The following ATP8A1 variants were observed in gnomAD, a reference collection of about 807,000 sequenced individuals.
ATP8A1 encodes the protein phospholipid-transporting ATPase IA.
A neutral mutation model predicts 177.7 loss-of-function variants in ATP8A1; 90 were observed. The observed-to-expected ratio is 0.51, with a 90% CI of 0.43 to 0.60. ATP8A1 has a LOEUF of 0.60. Among genes scored for constraint, ATP8A1 ranks in the 20% least tolerant of loss-of-function variants. ATP8A1 has a pLI of 0.00. For synonymous variants in ATP8A1, 493 were observed against 485.9 expected (o/e 1.01, Z -0.19); for missense variants, 1,072 against 1,392.8 (o/e 0.77, Z 3.67).
chr4:42,452,088 C>A, intron 29 of ATP8A1, 29 bp from the exon 30 acceptor site: 3 of 1,530,408 alleles, frequency 2.0e-6, no homozygotes, highest in South Asian at 1.1e-5. Flanking sequence ...CCATGAGAAC[C>A]ATTTGCGATA....
chr4:42,492,551 G>A (rs1722840368), intron 24 of ATP8A1, among the ~76,000 whole-genome samples: 2 of 152,128 alleles, frequency 1.3e-5, no homozygotes, highest in Admixed American at 6.5e-5. Flanking sequence ...ACAGACACAA[G>A]AAGACACTGT....
chr4:42,485,990 C>T (rs1307617481), intron 24 of ATP8A1, among the ~76,000 whole-genome samples: 1 of 152,126 alleles, frequency 6.6e-6, no homozygotes. Context: ...AATGCTTGTT[C>T]CCCGGTGCTG....
intron 20 of ATP8A1, among the ~76,000 whole-genome samples, chr4:42,539,273 G>C (rs6819713): frequency 0.28 from 41,944 of 151,746 alleles, 5,939 homozygotes; most frequent in South Asian, 0.41. Context: ...AGGGTGGGAG[G>C]GGAGTGAGGG....
At chr4:42,504,910 T>C (rs746772170) in intron 23 of ATP8A1, among the ~76,000 whole-genome samples, 4 of 152,224 alleles carry the variant, frequency 2.6e-5, no homozygotes, top group African/African-American at 4.8e-5. Context: ...GCTGTTTCTC[T>C]CTGTAACAGA....
chr4:42,421,867 A>G (rs1007238474), intron 35 of ATP8A1, among the ~76,000 whole-genome samples: 1 of 152,158 alleles, frequency 6.6e-6, no homozygotes, highest in African/African-American at 2.4e-5. Flanking sequence ...ATAGACTGCA[A>G]CTAATTATAA....
chr4:42,577,013 C>T (rs1732529842), intron 12 of ATP8A1, among the ~76,000 whole-genome samples: 1 of 152,196 alleles, frequency 6.6e-6, no homozygotes, highest in Non-Finnish European at 1.5e-5. Flanking sequence ...CTCATTTTCA[C>T]ACAAGAAAGT....
chr4:42,598,110 A>T (rs11728604), intron 6 of ATP8A1, among the ~76,000 whole-genome samples: 34,241 of 151,988 alleles, frequency 0.23, 4,342 homozygotes, highest in Non-Finnish European at 0.29. Context: ...AGATTTTGAG[A>T]TATTGCTCTT....
At chr4:42,608,556 C>T (rs372518563) in intron 5 of ATP8A1, among the ~76,000 whole-genome samples, 28 of 152,044 alleles carry the variant, frequency 1.8e-4, no homozygotes, top group African/African-American at 6.3e-4. Context: ...GATGGGGTTT[C>T]GCCATGTTGG....
chr4:42,413,456 T>A (rs529757882), intron 36 of ATP8A1, among the ~76,000 whole-genome samples: 8 of 152,196 alleles, frequency 5.3e-5, no homozygotes, highest in Non-Finnish European at 1.0e-4. Context: ...CATCCCACCA[T>A]GTACGGTCCC....
chr4:42,480,773 T>C (rs1721590401), intron 25 of ATP8A1, among the ~76,000 whole-genome samples: 2 of 152,210 alleles, frequency 1.3e-5, no homozygotes, highest in African/African-American at 4.8e-5. Flanking sequence ...CAACACTCAC[T>C]GAAGTCAAGT....
At chr4:42,442,358 T>C (rs1716725772) in intron 33 of ATP8A1, among the ~76,000 whole-genome samples, 1 of 152,212 alleles carries the variant, frequency 6.6e-6, no homozygotes, top group Non-Finnish European at 1.5e-5. Flanking sequence ...CATAATCAGA[T>C]ACATACACAT....
At chr4:42,521,855 T>C (rs1726161947) in intron 22 of ATP8A1, among the ~76,000 whole-genome samples, 1 of 152,140 alleles carries the variant, frequency 6.6e-6, no homozygotes, top group South Asian at 2.1e-4. Flanking sequence ...TGTAGGGGCA[T>C]GTTCCATATC....
At chr4:42,470,961 A>G (rs1259742740) in intron 25 of ATP8A1, among the ~76,000 whole-genome samples, 1 of 152,200 alleles carries the variant, frequency 6.6e-6, no homozygotes, top group Non-Finnish European at 1.5e-5. Flanking sequence ...GAAATTACAA[A>G]AGGAGAGAAA....
At chr4:42,458,924 G>A (rs1334808776) in intron 27 of ATP8A1, among the ~76,000 whole-genome samples, 1 of 152,214 alleles carries the variant, frequency 6.6e-6, no homozygotes, top group Non-Finnish European at 1.5e-5. Context: ...ACTGAAAGGA[G>A]AGATTCGAGA....
intron 5 of ATP8A1, among the ~76,000 whole-genome samples, chr4:42,602,588 A>G (rs1361045864): frequency 6.6e-6 from 1 of 152,078 alleles, no homozygotes; most frequent in Non-Finnish European, 1.5e-5. Flanking sequence ...ACATGGTGAA[A>G]CCCTGTCTCT....
In ATP8A1 at chr4:42,551,386, C is replaced by A. The variant is rs1729488831; in HGVS notation, c.1520-106G>T. 5.4e-6 allele frequency: 4 copies of A among 737,266 alleles called. No individual in the cohort carries two copies. The East Asian group carries it at 1.1e-4, about 20-fold the overall frequency. 45.7% of individuals were successfully genotyped at this position (737,266 alleles called of 1,614,324 possible). A position where few individuals can be genotyped will look rare whatever the true frequency, so the allele number is the denominator to read the frequency against. On this transcript the variant is annotated intron_variant, in intron 17 of 36. Coordinates refer to ENST00000381668, the MANE Select transcript of ATP8A1 (RefSeq NM_006095.2). ...TATAATTTTCTGTTTAATTAAAGTT[C>A]TTTTTATTCTGGCTCATGTTATTAA...
Position 42,547,257 on chromosome 4 carries a change from C to T in ATP8A1, c.1652+1756G>A, listed in dbSNP as rs539157773. Among the ~76,000 whole-genome samples the T allele has an allele frequency of 1.2e-4, 18 of 152,338 alleles. 1 individual carries two copies. The highest frequency in any genetic ancestry group is 3.4e-4 in the African/African-American group (14 of 41,590). On this transcript the variant is annotated intron_variant, in intron 19 of 36. Transcript: ENST00000381668. ...ATGCCAGAGACCCTCACCCCTTCCT[C>T]GTTTCGCCTTCTACTGCCAATCCCT...
chr4:42,426,778 CAAT>C (rs1178724754), intron 33 of ATP8A1, among the ~76,000 whole-genome samples: 1 of 152,148 alleles, frequency 6.6e-6, no homozygotes, highest in Non-Finnish European at 1.5e-5. Flanking sequence ...ATGTTCATCT[CAAT>C]AATATCACAG....
rs1463008924 is a variant in ATP8A1 at position 42,412,312 on chromosome 4, A to G, written c.*604T>C. 6.6e-6 allele frequency: 1 copy of G among 152,238 alleles called. No homozygotes were observed. The highest frequency in any genetic ancestry group is 1.5e-5 in the Non-Finnish European group (1 of 68,038). The allele number at this position is 152,238 out of a possible 1,614,324, so 9.4% of individuals were successfully genotyped here. Reference sequence around the variant, plus strand: ...TCAGGCATGCAGATCTTACAGCGGAACTGGAAGTAAACTTTCTCTTACATT... The same window carrying G: ...TCAGGCATGCAGATCTTACAGCGGAGCTGGAAGTAAACTTTCTCTTACATT... On this transcript the variant is annotated 3_prime_UTR_variant, in exon 37 of 37. Transcript: ENST00000381668.
Sources: allele counts gnomAD v4.1 joint callset (sites outside exome capture counted in the v4.1 genomes callset), GRCh38; gene constraint gnomAD v4.1.1; transcripts MANE v1.5; gene names NCBI Gene and HGNC (gene_info 2026-07-23, HGNC 2026-07-21).